TENM4: variants seen among roughly 807,000 people sequenced by gnomAD.
TENM4 encodes teneurin transmembrane protein 4, also known as teneurin-4.
A neutral mutation model predicts 243.3 loss-of-function variants in TENM4; 82 were observed. The observed-to-expected ratio is 0.34, with a 90% CI of 0.28 to 0.40. The LOEUF (loss-of-function observed/expected upper bound fraction) is 0.40. TENM4 is among the 10% of genes least tolerant of loss of function. The probability of loss-of-function intolerance (pLI) is 1.00; values close to 1 mark genes in which losing one functional copy is unlikely to be tolerated. For missense variants in TENM4, 3,138 were observed against 3,673.3 expected (o/e 0.85, Z 3.77); for synonymous variants, 1,412 against 1,456.3 (o/e 0.97, Z 0.69).
chr11:79,311,088 G>A (rs1206027107), intron 1 of TENM4, among the ~76,000 whole-genome samples: 3 of 152,254 alleles, frequency 2.0e-5, no homozygotes, highest in Admixed American at 6.5e-5. Context: ...GGGACAAGAC[G>A]GGTCTTGGCG....
At chr11:79,235,397 G>A (rs944292296) in intron 2 of TENM4, among the ~76,000 whole-genome samples, 1 of 152,118 alleles carries the variant, frequency 6.6e-6, no homozygotes, top group African/African-American at 2.4e-5. Flanking sequence ...TACAAAGTGA[G>A]AGATGCAGGG....
At chr11:78,746,337 C>T (rs756159063) in intron 19 of TENM4, among the ~76,000 whole-genome samples, 2 of 152,252 alleles carry the variant, frequency 1.3e-5, no homozygotes, top group African/African-American at 2.4e-5. Context: ...CTTCAGGGAC[C>T]TGAGGCTGTG....
chr11:78,658,263 G>A lies in TENM4; in HGVS notation c.8105C>T (p.Ala2702Val), dbSNP rs775560022. The A allele has an allele frequency of 3.3e-5, 53 of 1,613,362 alleles. No homozygotes were observed. Among genetic ancestry groups the A allele is most frequent in the African/African-American group, 6.7e-5 (5 of 74,922 alleles). Residue 2702 changes from alanine (A) to valine (V), a missense_variant, in exon 34 of 34, where the codon GCG becomes GTG. Transcript: ENST00000278550. ...ELARQRAVRQ[A>V]WAREQQRLRE... ...CAGTCTCTGCTGCTCGCGGGCCCAC[G>A]CTTGGCGCACGGCTCTCTGCCGGGC...
rs370242653 is a variant in TENM4, at chr11:78,961,288, T to C, written c.494-57765A>G. On this transcript the variant is annotated intron_variant, in intron 6 of 33. Coordinates refer to ENST00000278550, the MANE Select transcript of TENM4 (RefSeq NM_001098816.3). Reference sequence around the variant, plus strand: ...CTGGGGCTATTAAGGTGATCCTAGGTTACCTCATGTACATCCTGCCCCACC... The same window carrying C: ...CTGGGGCTATTAAGGTGATCCTAGGCTACCTCATGTACATCCTGCCCCACC... Among the ~76,000 whole-genome samples the C allele has an allele frequency of 2.6e-4, 39 of 152,292 alleles. No individual in the cohort carries two copies. In the South Asian group the frequency reaches 3.7e-3, roughly 15 times the overall value.
At chr11:78,794,492 A>G (rs1857122926) in intron 15 of TENM4, among the ~76,000 whole-genome samples, 1 of 152,220 alleles carries the variant, frequency 6.6e-6, no homozygotes, top group Admixed American at 6.5e-5. Flanking sequence ...CCCCTGGCGA[A>G]TGAGAGCGAG....
intron 1 of TENM4, chr11:79,402,084 A>G: frequency 2.4e-6 from 1 of 422,858 alleles, no homozygotes; most frequent in South Asian, 1.8e-5. Context: ...ACCCCCAGCT[A>G]GATTGTAAGC....
intron 6 of TENM4, among the ~76,000 whole-genome samples, chr11:79,036,984 C>G (rs1168438140): frequency 7.1e-6 from 1 of 141,614 alleles, no homozygotes; most frequent in African/African-American, 2.7e-5. Flanking sequence ...CCACTGCACT[C>G]CAGCCTGGGC....
intron 22 of TENM4, 97 bp downstream of exon 22, chr11:78,729,279 G>A (rs1464678746): frequency 1.5e-6 from 2 of 1,334,310 alleles, no homozygotes; most frequent in South Asian, 1.5e-5. Context: ...AGGTATTTTT[G>A]ATCTGAGAAG....
chr11:78,997,895 C>T (rs1016517824), intron 6 of TENM4, among the ~76,000 whole-genome samples: 1 of 152,088 alleles, frequency 6.6e-6, no homozygotes, highest in African/African-American at 2.4e-5. Flanking sequence ...AGGATCAGTG[C>T]CCTTATAAGA....
intron 1 of TENM4, among the ~76,000 whole-genome samples, chr11:79,396,113 C>T (rs1858338818): frequency 6.6e-6 from 1 of 152,200 alleles, no homozygotes; most frequent in Non-Finnish European, 1.5e-5. Context: ...ATCTCTAGTA[C>T]TTCATGGCCA....
rs527756008 is a variant in TENM4 at position 79,332,539 on chromosome 11, G to T, written c.-320-34996C>A. On this transcript the variant is annotated intron_variant, in intron 1 of 33. Transcript: ENST00000278550. ...CCGGCCCACCGAAATCCATCTGGGG[G>T]CTAATTGTGGCCATGGGGTAGCAGT... Among the ~76,000 whole-genome samples the T allele has an allele frequency of 2.6e-5, 4 of 152,030 alleles. No homozygotes were observed. In the South Asian group the frequency reaches 8.3e-4, roughly 32 times the overall value.
At chr11:78,740,328 A>T (rs922634533) in intron 19 of TENM4, among the ~76,000 whole-genome samples, 13 of 152,152 alleles carry the variant, frequency 8.5e-5, no homozygotes, top group East Asian at 1.9e-4. Context: ...GAAGGCAAGA[A>T]CAACTACCCA....
At chr11:78,942,167 C>A (rs1368663624) in intron 6 of TENM4, among the ~76,000 whole-genome samples, 1 of 143,604 alleles carries the variant, frequency 7.0e-6, no homozygotes, top group African/African-American at 2.6e-5. Flanking sequence ...AATCCCAGCA[C>A]TTTGGGAGGC....
intron 1 of TENM4, among the ~76,000 whole-genome samples, chr11:79,400,099 CCACACACACACACACA>C (rs71050221): frequency 6.0e-4 from 84 of 140,674 alleles, no homozygotes; most frequent in East Asian, 2.0e-3. Flanking sequence ...TAAACACACA[CCACACACACACACACA>C]CACACACACA....
intron 9 of TENM4, among the ~76,000 whole-genome samples, chr11:78,881,696 C>G (rs67688663): frequency 0.12 from 18,942 of 152,162 alleles, 1,670 homozygotes; most frequent in African/African-American, 0.25. Context: ...ACTTCCATTG[C>G]CAGGAAGGGC....
chr11:79,409,912 A>C (rs1858662919), intron 1 of TENM4, among the ~76,000 whole-genome samples: 2 of 152,286 alleles, frequency 1.3e-5, no homozygotes, highest in East Asian at 3.9e-4. Flanking sequence ...AGTTGCCCAC[A>C]GTGGTAACCT....
chr11:79,204,199 G>A (rs936465992), intron 3 of TENM4, among the ~76,000 whole-genome samples: 1 of 152,116 alleles, frequency 6.6e-6, no homozygotes, highest in African/African-American at 2.4e-5. Flanking sequence ...ACGGATTCTG[G>A]TGATGGTTTC....
intron 1 of TENM4, among the ~76,000 whole-genome samples, chr11:79,363,576 C>A (rs1857626820): frequency 6.6e-6 from 1 of 152,174 alleles, no homozygotes; most frequent in Non-Finnish European, 1.5e-5. Flanking sequence ...ACTTATCTCC[C>A]AGAGGCAATG....
chr11:79,223,081 C>A (rs755866809), intron 2 of TENM4, among the ~76,000 whole-genome samples: 4 of 151,968 alleles, frequency 2.6e-5, no homozygotes, highest in Non-Finnish European at 5.9e-5. Context: ...ACCGCCATGG[C>A]ACACGTCTAC....
Sources: gnomAD v4.1 joint callset for allele counts (sites outside exome capture counted in the v4.1 genomes callset) on GRCh38, gnomAD v4.1.1 for gene constraint, MANE v1.5 for transcripts, NCBI Gene and HGNC (gene_info 2026-07-23, HGNC 2026-07-21) for gene names.